The following EYA2 variants were observed in gnomAD, a reference collection of about 807,000 sequenced individuals.
EYA2 encodes protein phosphatase EYA2.
Under a neutral mutation model 69.2 loss-of-function variants are expected in EYA2, and 31 were observed. That is an observed-to-expected ratio of 0.45 (90% CI 0.34 to 0.60). The LOEUF (loss-of-function observed/expected upper bound fraction) is 0.60, where lower values mean the gene tolerates loss of function less well. Among genes scored for constraint, EYA2 ranks in the 20% least tolerant of loss-of-function variants. The pLI is 0.02. For synonymous variants in EYA2, 257 were observed against 279.4 expected, an observed-to-expected ratio of 0.92 and a Z score of 0.80; for missense variants, 622 against 701.2, an observed-to-expected ratio of 0.89 and a Z score of 1.28.
chr20:46,931,662 T>C lies in EYA2; in HGVS notation c.-11+36675T>C, dbSNP rs1040133926. ...TAAATCCATTTCACATACTCAGACCTGGAAGTGGCCCCAGTGGCATCATTC... is the reference window on the plus strand; with the variant it reads ...TAAATCCATTTCACATACTCAGACCCGGAAGTGGCCCCAGTGGCATCATTC... On this transcript the variant is annotated intron_variant, in intron 1 of 15. Transcript: ENST00000327619. 1.1e-4 allele frequency among the ~76,000 whole-genome samples: 17 copies of C among 152,256 alleles called. No individual in the cohort carries two copies. In the East Asian group the frequency reaches 3.1e-3, roughly 28 times the overall value.
intron 1 of EYA2, among the ~76,000 whole-genome samples, chr20:46,909,898 A>G (rs1984562096): frequency 6.6e-6 from 1 of 151,776 alleles, no homozygotes; most frequent in Non-Finnish European, 1.5e-5. Flanking sequence ...CTTTGTGTGC[A>G]TGTTTTACTT....
intron 5 of EYA2, among the ~76,000 whole-genome samples, chr20:47,070,129 A>G (rs1023285452): frequency 1.1e-4 from 17 of 152,234 alleles, no homozygotes; most frequent in Admixed American, 9.2e-4. Flanking sequence ...TTCACAAATC[A>G]TGTATCTGAT....
intron 2 of EYA2, among the ~76,000 whole-genome samples, chr20:46,998,777 C>T (rs1982186187): frequency 6.6e-6 from 1 of 152,210 alleles, no homozygotes; most frequent in Non-Finnish European, 1.5e-5. Context: ...CTCAATTCCT[C>T]CAGGTGTCCT....
intron 5 of EYA2, among the ~76,000 whole-genome samples, chr20:47,060,152 A>G (rs1464537190): frequency 1.7e-4 from 26 of 152,260 alleles, no homozygotes; most frequent in Admixed American, 1.7e-3. Flanking sequence ...TCTATCAGTG[A>G]GGAATGCTTT....
intron 1 of EYA2, among the ~76,000 whole-genome samples, chr20:46,984,706 C>T (rs1156681870): frequency 6.6e-6 from 1 of 152,126 alleles, no homozygotes; most frequent in African/African-American, 2.4e-5. Flanking sequence ...ACATATACTC[C>T]ATAACACAGA....
chr20:47,052,460 C>T lies in EYA2; in HGVS notation c.416-19725C>T, dbSNP rs532381543. Among the ~76,000 whole-genome samples, 3 of 152,262 alleles carry T rather than the reference C, an allele frequency of 2.0e-5. No individual in the cohort carries two copies. The East Asian group carries it at 5.8e-4, about 29-fold the overall frequency. ...ATCCAGAACCTTCAGAGTCTGTGAA[C>T]GGATTGCTCAGCTACTGCTGGGCAT... On this transcript the variant is annotated intron_variant, in intron 5 of 15. Transcript: ENST00000327619.
At chr20:47,088,241 A>T (rs115623827) in intron 7 of EYA2, among the ~76,000 whole-genome samples, 2,878 of 152,336 alleles carry the variant, frequency 0.019, 102 homozygotes, top group African/African-American at 0.065. Context: ...CTCAAAAAAT[A>T]AAAATTAAAA....
intron 1 of EYA2, among the ~76,000 whole-genome samples, chr20:46,908,567 A>T (rs1476812337): frequency 6.6e-6 from 1 of 152,178 alleles, no homozygotes; most frequent in Non-Finnish European, 1.5e-5. Flanking sequence ...ATAGAGCCTA[A>T]ATCTGAAATC....
intron 9 of EYA2, among the ~76,000 whole-genome samples, chr20:47,124,896 A>C (rs1468088721): frequency 6.6e-6 from 1 of 152,026 alleles, no homozygotes; most frequent in East Asian, 1.9e-4. Context: ...AAATTCTAAG[A>C]GGCTGAATAG....
chr20:47,184,857 C>G (rs1371987125), intron 15 of EYA2, among the ~76,000 whole-genome samples: 1 of 152,196 alleles, frequency 6.6e-6, no homozygotes, highest in Admixed American at 6.5e-5. Flanking sequence ...GAGTTTCAAA[C>G]ACGGTTGGTT....
intron 1 of EYA2, among the ~76,000 whole-genome samples, chr20:46,897,012 T>C (rs1224953927): frequency 1.8e-5 from 2 of 108,212 alleles, no homozygotes; most frequent in African/African-American, 3.3e-5. Flanking sequence ...TACTTTAGGA[T>C]TTTTTTAAAA....
At chr20:46,989,735 A>G (rs1435833408) in intron 1 of EYA2, among the ~76,000 whole-genome samples, 1 of 152,202 alleles carries the variant, frequency 6.6e-6, no homozygotes, top group Non-Finnish European at 1.5e-5. Context: ...ACCAAAATAT[A>G]ATTTTTCTAA....
Position 47,039,668 on chromosome 20 carries a change from T to C in EYA2, c.415+23371T>C, listed in dbSNP as rs192966071. Among the ~76,000 whole-genome samples the C allele has an allele frequency of 2.0e-5, 3 of 152,204 alleles. No homozygotes were observed. In the East Asian group the frequency reaches 5.8e-4, roughly 29 times the overall value. ...GCAGTATTCTCAATTCTCTTTTTTC[T>C]ATTCCTGAGGCGGGGCATCTTGTAG... is the stretch of plus-strand genomic sequence containing the variant. On this transcript the variant is annotated intron_variant, in intron 5 of 15. Coordinates refer to ENST00000327619, the MANE Select transcript of EYA2 (RefSeq NM_005244.5).
chr20:46,969,889 A>G (rs372428449), intron 1 of EYA2, among the ~76,000 whole-genome samples: 2 of 152,208 alleles, frequency 1.3e-5, no homozygotes, highest in East Asian at 1.9e-4. Flanking sequence ...AATATAATTT[A>G]CTATTAAATG....
chr20:47,187,995 G>A (rs568374655), intron 15 of EYA2, 58 bp from the exon 16 acceptor site: 59 of 1,532,482 alleles, frequency 3.8e-5, no homozygotes, highest in Middle Eastern at 1.8e-4. Flanking sequence ...AACCACAGGC[G>A]TGGAACCCGG....
At chr20:47,107,501 A>G (rs4810614) in intron 9 of EYA2, among the ~76,000 whole-genome samples, 95,167 of 146,462 alleles carry the variant, frequency 0.65, 31,081 homozygotes, top group Non-Finnish European at 0.66. Flanking sequence ...ACTCCAGCCT[A>G]GACAACAGAG....
chr20:47,097,867 C>T (rs543104763), intron 9 of EYA2, among the ~76,000 whole-genome samples: 24 of 152,180 alleles, frequency 1.6e-4, no homozygotes, highest in African/African-American at 5.5e-4. Context: ...TTCAGGGGCA[C>T]GCATGGGGTG....
intron 7 of EYA2, among the ~76,000 whole-genome samples, chr20:47,075,217 G>T (rs183492238): frequency 1.7e-4 from 26 of 152,304 alleles, no homozygotes; most frequent in African/African-American, 6.3e-4. Flanking sequence ...CAAATATTTG[G>T]TAAGCTCCCA....
chr20:47,062,646 G>A (rs1290403544), intron 5 of EYA2, among the ~76,000 whole-genome samples: 1 of 152,200 alleles, frequency 6.6e-6, no homozygotes, highest in Non-Finnish European at 1.5e-5. Context: ...CACATGAGCT[G>A]TTTTGTGATC....
Sources: gnomAD v4.1 joint callset for allele counts (sites outside exome capture counted in the v4.1 genomes callset) on GRCh38, gnomAD v4.1.1 for gene constraint, MANE v1.5 for transcripts, NCBI Gene and HGNC (gene_info 2026-07-23, HGNC 2026-07-21) for gene names.